Variants in DTWD2 observed in about 807,000 individuals in gnomAD.
The protein encoded by DTWD2 is tRNA-uridine aminocarboxypropyltransferase 2.
DTWD2 carries 39 observed loss-of-function variants against 31.8 expected under a neutral mutation model. The ratio of observed to expected loss-of-function variants is 1.22; its 90% CI spans 0.95 to 1.60. The LOEUF is 1.60. DTWD2 is among the 40% of genes most tolerant of loss of function. DTWD2 has a pLI of 0.00. For synonymous variants in DTWD2, 180 were observed against 142.8 expected (o/e 1.26, Z -1.86); for missense variants, 515 against 381.5 (o/e 1.35, Z -2.92).
At chr5:118,970,518 G>C (rs1480821101) in intron 1 of DTWD2, among the ~76,000 whole-genome samples, 1 of 152,152 alleles carries the variant, frequency 6.6e-6, no homozygotes, top group Admixed American at 6.5e-5. Flanking sequence ...AACTGACTGG[G>C]GTACCTGAAA....
At chr5:118,849,480 G>A (rs770299010) in intron 4 of DTWD2, among the ~76,000 whole-genome samples, 10 of 152,114 alleles carry the variant, frequency 6.6e-5, no homozygotes, top group African/African-American at 1.9e-4. Flanking sequence ...ATTCCTCAAC[G>A]ATCTACAACC....
intron 1 of DTWD2, among the ~76,000 whole-genome samples, chr5:118,980,878 T>C (rs957850343): frequency 1.2e-4 from 18 of 152,198 alleles, no homozygotes; most frequent in African/African-American, 4.3e-4. Flanking sequence ...GAGTAGGAAC[T>C]AGAACAGATT....
chr5:118,884,530 C>G (rs975718020), intron 4 of DTWD2, among the ~76,000 whole-genome samples: 2 of 152,152 alleles, frequency 1.3e-5, no homozygotes, highest in Admixed American at 6.5e-5. Flanking sequence ...TATCTTAGTA[C>G]AGGGTACTGT....
intron 4 of DTWD2, among the ~76,000 whole-genome samples, chr5:118,865,665 C>T (rs1752365519): frequency 6.6e-6 from 1 of 152,148 alleles, no homozygotes; most frequent in Admixed American, 6.6e-5. Flanking sequence ...AAAAATTATG[C>T]TCCCTATTTT....
chr5:118,962,893 C>G (rs1754738207), intron 1 of DTWD2, among the ~76,000 whole-genome samples: 1 of 152,178 alleles, frequency 6.6e-6, no homozygotes, highest in Non-Finnish European at 1.5e-5. Flanking sequence ...AAAATGCATG[C>G]CTTTAATCAA....
chr5:118,970,744 C>A (rs1027515114), intron 1 of DTWD2, among the ~76,000 whole-genome samples: 1 of 152,072 alleles, frequency 6.6e-6, no homozygotes, highest in African/African-American at 2.4e-5. Flanking sequence ...CAGAGAGAAA[C>A]GCCAGGTAAC....
At position 118,988,323 on chromosome 5, in the gene DTWD2, G is replaced by C. The variant is rs1755481154; in HGVS notation, c.189C>G (p.Ala63=). Residue 63 remains alanine, a synonymous_variant, in exon 1 of 6, where the codon GCC becomes GCG. Coordinates refer to ENST00000510708, the MANE Select transcript of DTWD2 (RefSeq NM_173666.4). ...DGLWELPVEP[A]ERRPECTRCS... is the part of the protein sequence containing the mutation. Reference sequence around the variant, plus strand: ...AGCGGGTGCACTCAGGCCTCCGCTCGGCCGGCTCCACCGGCAGCTCCCACA... The same window carrying C: ...AGCGGGTGCACTCAGGCCTCCGCTCCGCCGGCTCCACCGGCAGCTCCCACA... The C allele has an allele frequency of 2.6e-6, 4 of 1,536,994 alleles. No homozygotes were observed. In the South Asian group the frequency reaches 3.6e-5, roughly 14 times the overall value.
intron 4 of DTWD2, among the ~76,000 whole-genome samples, chr5:118,852,867 G>A (rs1478969897): frequency 6.6e-6 from 1 of 152,116 alleles, no homozygotes; most frequent in Non-Finnish European, 1.5e-5. Flanking sequence ...TATACATCAT[G>A]GAACACTATG....
intron 1 of DTWD2, among the ~76,000 whole-genome samples, chr5:118,944,876 A>G (rs938637212): frequency 6.6e-6 from 1 of 152,198 alleles, no homozygotes; most frequent in Non-Finnish European, 1.5e-5. Context: ...AAGTACCTCA[A>G]AACAAAAATC....
chr5:118,965,691 T>C (rs1393253475), intron 1 of DTWD2, among the ~76,000 whole-genome samples: 1 of 152,102 alleles, frequency 6.6e-6, no homozygotes, highest in East Asian at 1.9e-4. Context: ...GTTAAATGGA[T>C]TAAGGGCGGT....
intron 1 of DTWD2, among the ~76,000 whole-genome samples, chr5:118,951,779 G>A (rs1754471188): frequency 6.6e-6 from 1 of 152,104 alleles, no homozygotes; most frequent in Admixed American, 6.5e-5. Flanking sequence ...GAGAAGGGGT[G>A]GGAGGGTACT....
At chr5:118,883,026 A>C (rs900449803) in intron 4 of DTWD2, among the ~76,000 whole-genome samples, 1 of 152,204 alleles carries the variant, frequency 6.6e-6, no homozygotes, top group African/African-American at 2.4e-5. Flanking sequence ...TTCTCTTTTA[A>C]ACATAAGTTA....
Position 118,983,580 on chromosome 5 carries a change from A to G in DTWD2, c.218+4714T>C, listed in dbSNP as rs528870045. Among the ~76,000 whole-genome samples the G allele has an allele frequency of 2.6e-5, 4 of 152,178 alleles. No homozygotes were observed. In the South Asian group the frequency reaches 8.3e-4, roughly 32 times the overall value. On this transcript the variant is annotated intron_variant, in intron 1 of 5. Coordinates refer to ENST00000510708, the MANE Select transcript of DTWD2 (RefSeq NM_173666.4). ...TCCTCCAGAATATCCAAGCCTAAAGAATAAGGAAAAGGTAATGATATGTGG... is the reference window on the plus strand; with the variant it reads ...TCCTCCAGAATATCCAAGCCTAAAGGATAAGGAAAAGGTAATGATATGTGG...
At chr5:118,893,229 G>A (rs531137380) in intron 4 of DTWD2, among the ~76,000 whole-genome samples, 2 of 151,728 alleles carry the variant, frequency 1.3e-5, no homozygotes, top group South Asian at 4.2e-4. Context: ...ACAAAAATTA[G>A]TATGCTCCTG....
intron 5 of DTWD2, among the ~76,000 whole-genome samples, chr5:118,845,246 G>C (rs940049554): frequency 6.6e-6 from 1 of 152,144 alleles, no homozygotes; most frequent in Non-Finnish European, 1.5e-5. Context: ...ACCATCTTAA[G>C]GTTTTATTAG....
intron 2 of DTWD2, among the ~76,000 whole-genome samples, chr5:118,944,121 A>G (rs892803530): frequency 1.3e-5 from 2 of 152,214 alleles, no homozygotes; most frequent in African/African-American, 4.8e-5. Context: ...TGTTTCTTCT[A>G]TTCATCTAAA....
intron 1 of DTWD2, among the ~76,000 whole-genome samples, chr5:118,955,274 C>T (rs995048718): frequency 3.9e-5 from 6 of 152,136 alleles, no homozygotes; most frequent in Non-Finnish European, 8.8e-5. Context: ...AACATCTCAA[C>T]TAGCTTTATA....
At chr5:118,968,422 G>C (rs978401237) in intron 1 of DTWD2, among the ~76,000 whole-genome samples, 1 of 152,168 alleles carries the variant, frequency 6.6e-6, no homozygotes, top group Non-Finnish European at 1.5e-5. Flanking sequence ...ATGAAATTCT[G>C]AACCTTCAAC....
At chr5:118,865,204 G>A (rs749552785) in intron 4 of DTWD2, among the ~76,000 whole-genome samples, 1 of 152,024 alleles carries the variant, frequency 6.6e-6, no homozygotes, top group African/African-American at 2.4e-5. Flanking sequence ...TTCAATCTAG[G>A]CTGATTCTAG....
Sources: gnomAD v4.1 joint callset for allele counts (sites outside exome capture counted in the v4.1 genomes callset) on GRCh38, gnomAD v4.1.1 for gene constraint, MANE v1.5 for transcripts, NCBI Gene and HGNC (gene_info 2026-07-23, HGNC 2026-07-21) for gene names.